The following ZDHHC11 variants were observed in gnomAD, a reference collection of about 807,000 sequenced individuals.
ZDHHC11 encodes the protein zDHHC palmitoyltransferase 11.
In ZDHHC11, 44 loss-of-function variants were observed where a neutral mutation model predicts 51.3. The ratio of observed to expected loss-of-function variants is 0.86; its 90% CI spans 0.67 to 1.10. The LOEUF is 1.10. ZDHHC11 is among the 50% of genes least tolerant of loss of function. The probability of loss-of-function intolerance (pLI) is 0.00; values close to 1 mark genes in which losing one functional copy is unlikely to be tolerated. For missense variants in ZDHHC11, 400 were observed against 537.7 expected (o/e 0.74, Z 2.53); for synonymous variants, 163 against 222.0 (o/e 0.73, Z 2.36).
At position 828,205 on chromosome 5, in the gene ZDHHC11, A is replaced by C. The variant is rs1184833111; in HGVS notation, c.936-2954T>G. ...CCCACCTTTCCCCCTTTTCTATTCC[A>C]CAAAACCGCCATTGTCATCATGGCC... On this transcript the variant is annotated intron_variant, in intron 7 of 12. Transcript: ENST00000283441. Among the ~76,000 whole-genome samples the C allele has an allele frequency of 5.9e-5, 9 of 151,264 alleles. 2 individuals are homozygous for C. The highest frequency in any genetic ancestry group is 1.0e-4 in the Non-Finnish European group (7 of 67,722).
upstream of ZDHHC11, among the ~76,000 whole-genome samples, chr5:860,485 C>T (rs1048860277): frequency 4.6e-5 from 7 of 152,176 alleles, no homozygotes; most frequent in African/African-American, 1.7e-4. The surrounding 1 kb of genome is among the most constrained non-coding windows in gnomAD (Gnocchi z 4.2). Flanking sequence ...CACCTGCACA[C>T]CCTCCTCCAC....
At position 850,479 on chromosome 5, in the gene ZDHHC11, G is replaced by T; in HGVS notation, c.124C>A (p.Gln42Lys). The change falls in exon 1 of 13, where the codon CAG (glutamine) becomes AAG (lysine). Residue 42 changes from glutamine to lysine, a missense_variant. Physicochemically the swap from Gln to Lys is moderately conservative, Grantham distance 53. Transcript: ENST00000283441. ...ACGAAGACAGCCCAGGTCACCACCT[G>T]GAAGTAGTGCAGGGGTAACGACCAG... ...NGWSLPLHYFQVVTWAVFVGL... is the reference protein window; with the variant it reads ...NGWSLPLHYFKVVTWAVFVGL... 3.1e-6 allele frequency: 5 copies of T among 1,613,676 alleles called. No homozygotes were observed. The highest frequency in any genetic ancestry group is 4.2e-6 in the Non-Finnish European group (5 of 1,180,032).
rs571156307 is a variant in ZDHHC11 at position 802,472 on chromosome 5, G to T, written c.1182-1308C>A. On this transcript the variant is annotated intron_variant, in intron 11 of 12. Coordinates refer to ENST00000283441, the MANE Select transcript of ZDHHC11 (RefSeq NM_024786.3). ...ATTGTGAGACATACAGGTTGGTGGG[G>T]AAGAATGTAGATAATTGTGTTGTAA... is the stretch of plus-strand genomic sequence containing the variant. Among the ~76,000 whole-genome samples the T allele has an allele frequency of 1.1e-4, 16 of 150,298 alleles. No homozygotes were observed. The East Asian group carries it at 2.7e-3, about 26-fold the overall frequency.
At position 801,091 on chromosome 5, in the gene ZDHHC11, G is replaced by A. The variant is rs369462081; in HGVS notation, c.*7+9C>T. The A allele has an allele frequency of 4.1e-4, 663 of 1,609,572 alleles. 1 individual carries two copies. The Admixed American group carries it at 6.5e-3, about 16-fold the overall frequency. On this transcript the variant is annotated intron_variant, in intron 12 of 12. Transcript: ENST00000283441. ...ATTTCAACATGACCCGCACTGCCAC[G>A]TATCTTACCTGAATCTCAGTCTTCA...
intron 7 of ZDHHC11, 81 bp from the exon 8 acceptor site, chr5:825,332 C>T (rs565984101): frequency 1.0e-5 from 14 of 1,388,876 alleles, no homozygotes; most frequent in African/African-American, 9.7e-5. Flanking sequence ...TGCACCGCGT[C>T]GTGTCAGCAC....
intron 7 of ZDHHC11, among the ~76,000 whole-genome samples, chr5:828,644 C>CAA (rs1742663140): frequency 6.6e-6 from 1 of 151,240 alleles, no homozygotes; most frequent in Admixed American, 6.6e-5. Context: ...TATCCTAGAA[C>CAA]AAAAGGACTT....
At chr5:824,769 TA>T (rs58948043) in intron 8 of ZDHHC11, among the ~76,000 whole-genome samples, 14,407 of 124,318 alleles carry the variant, frequency 0.12, 826 homozygotes, top group African/African-American at 0.28. Context: ...GCATTTTATT[TA>T]AAAAAAAAAA....
Position 802,774 on chromosome 5 carries a change from C to A in ZDHHC11, c.1182-1610G>T, listed in dbSNP as rs531584671. Among the ~76,000 whole-genome samples, 91 of 121,860 alleles carry A rather than the reference C, an allele frequency of 7.5e-4. 5 individuals carry two copies. The highest frequency in any genetic ancestry group is 9.4e-4 in the Non-Finnish European group (58 of 61,954). The allele number at this position is 121,860 out of a possible 152,430, so 79.9% of individuals were successfully genotyped here. A position where few individuals can be genotyped will look rare whatever the true frequency, so the allele number is the denominator to read the frequency against. On this transcript the variant is annotated intron_variant, in intron 11 of 12. Transcript: ENST00000283441. ...GGATCACGAGGTCAGGAGATCGAGA[C>A]CATCCTGGCTAACATGGTGAAACTC...
intron 1 of ZDHHC11, among the ~76,000 whole-genome samples, chr5:848,885 G>C (rs1459252584): frequency 6.7e-5 from 10 of 149,144 alleles, no homozygotes; most frequent in Non-Finnish European, 1.0e-4. Context: ...ACCTGGGCGT[G>C]CTCACCTGGG....
chr5:813,896 C>T (rs1157195630), intron 11 of ZDHHC11, among the ~76,000 whole-genome samples: 1 of 149,524 alleles, frequency 6.7e-6, no homozygotes, highest in African/African-American at 2.5e-5. Context: ...TGTGCACGTG[C>T]CTGTGTCTGT....
In ZDHHC11 at chr5:850,609, G is replaced by C. The variant is rs202009134; in HGVS notation, c.-7C>G. 1.2e-4 allele frequency: 196 copies of C among 1,612,892 alleles called. No homozygotes were observed. Among genetic ancestry groups the C allele is most frequent in the Non-Finnish European group, 1.1e-4 (133 of 1,179,738 alleles). The stretch of plus-strand genomic sequence containing the variant: ...TCCCGGAGCGGGTGTCCATCTGCAG[G>C]ACACAGAAGGGGAGGACCTGCGCCG... On this transcript the variant is annotated 5_prime_UTR_variant, in exon 1 of 13. Coordinates refer to ENST00000283441, the MANE Select transcript of ZDHHC11 (RefSeq NM_024786.3).
intron 1 of ZDHHC11, chr5:850,177 C>T (rs560419462): frequency 8.8e-5 from 55 of 624,448 alleles, no homozygotes; most frequent in Middle Eastern, 4.4e-4. Flanking sequence ...CCTCAGCCAA[C>T]GCTGTCCTGT....
chr5:836,054 C>G (rs1435583317), intron 6 of ZDHHC11, among the ~76,000 whole-genome samples: 11 of 136,308 alleles, frequency 8.1e-5, no homozygotes, highest in African/African-American at 2.5e-4. Flanking sequence ...CCCTGCTATG[C>G]TGGGCTGGCC....
intron 11 of ZDHHC11, among the ~76,000 whole-genome samples, chr5:802,922 G>A (rs1738682335): frequency 1.4e-5 from 2 of 145,178 alleles, no homozygotes; most frequent in Non-Finnish European, 3.0e-5. Context: ...TTGGGAGGCT[G>A]AGGCAGGAGA....
upstream of ZDHHC11, among the ~76,000 whole-genome samples, chr5:853,368 G>A (rs1747597367): frequency 6.7e-6 from 1 of 149,082 alleles, no homozygotes; most frequent in African/African-American, 2.5e-5. Context: ...AGACCCCACG[G>A]AGGACAGCGA....
At chr5:807,945 C>G in intron 11 of ZDHHC11, among the ~76,000 whole-genome samples, 1 of 151,134 alleles carries the variant, frequency 6.6e-6, no homozygotes, top group East Asian at 2.0e-4. Context: ...GGATCAGACG[C>G]AGGTCCTGGA....
At chr5:808,985 AC>A (rs1739701400) in intron 11 of ZDHHC11, among the ~76,000 whole-genome samples, 1 of 3,234 alleles carries the variant, frequency 3.1e-4, no homozygotes, top group Non-Finnish European at 1.0e-3. Flanking sequence ...ACCATCAGTT[AC>A]ACACACACAC....
chr5:814,639 A>C (rs1579590661), intron 11 of ZDHHC11, 122 bp downstream of exon 11: 1 of 1,094,192 alleles, frequency 9.1e-7, no homozygotes, highest in East Asian at 2.8e-5. Context: ...AAACATTTCT[A>C]CTTTCCCTTA....
chr5:818,332 A>G (rs1021314065), intron 10 of ZDHHC11, among the ~76,000 whole-genome samples: 2 of 151,618 alleles, frequency 1.3e-5, no homozygotes, highest in African/African-American at 2.4e-5. Flanking sequence ...TGGGGGCCCA[A>G]TCGGTTTCCA....
Sources: allele counts gnomAD v4.1 joint callset (sites outside exome capture counted in the v4.1 genomes callset), GRCh38; gene constraint gnomAD v4.1.1; non-coding constraint Gnocchi (gnomAD v3.1); transcripts MANE v1.5; gene names NCBI Gene and HGNC (gene_info 2026-07-23, HGNC 2026-07-21).